The following XKR4 variants were observed in gnomAD, a reference collection of about 807,000 sequenced individuals.
XKR4 encodes the protein XK related 4, also known as XK-related protein 4.
Under a neutral mutation model 53.9 loss-of-function variants are expected in XKR4, and 12 were observed. The observed-to-expected ratio is 0.22, with a 90% confidence interval of 0.14 to 0.36. The LOEUF is 0.36. XKR4 is among the 10% of genes least tolerant of loss of function. The pLI is 1.00. For missense variants in XKR4, 799 were observed against 859.5 expected (o/e 0.93, Z 0.88); for synonymous variants, 354 against 362.4 (o/e 0.98, Z 0.26).
At chr8:55,338,490 G>C (rs1585527980) in intron 1 of XKR4, among the ~76,000 whole-genome samples, 1 of 152,194 alleles carries the variant, frequency 6.6e-6, no homozygotes, top group African/African-American at 2.4e-5. Context: ...CAGGATAGAG[G>C]GGGGCATTTA....
intron 1 of XKR4, among the ~76,000 whole-genome samples, chr8:55,134,139 C>G (rs906960082): frequency 6.6e-6 from 1 of 152,180 alleles, no homozygotes; most frequent in Non-Finnish European, 1.5e-5. Context: ...AAATTTATAT[C>G]TACCATATAT....
At chr8:55,378,767 C>T (rs971897995) in intron 2 of XKR4, among the ~76,000 whole-genome samples, 26 of 152,146 alleles carry the variant, frequency 1.7e-4, no homozygotes, top group Admixed American at 1.7e-3. Flanking sequence ...CTATGATTCT[C>T]TAGCTAAGGG....
At chr8:55,268,608 C>T (rs1017219980) in intron 1 of XKR4, among the ~76,000 whole-genome samples, 4 of 152,030 alleles carry the variant, frequency 2.6e-5, no homozygotes, top group African/African-American at 9.7e-5. Flanking sequence ...AGTATATGTT[C>T]CTTCCCTTCA....
At chr8:55,147,264 A>C (rs1389625033) in intron 1 of XKR4, among the ~76,000 whole-genome samples, 9 of 152,202 alleles carry the variant, frequency 5.9e-5, no homozygotes, top group Admixed American at 5.9e-4. Context: ...ATAACTCTTC[A>C]GAAAATAACA....
chr8:55,330,746 TC>T (rs1803371647), intron 1 of XKR4, among the ~76,000 whole-genome samples: 1 of 152,036 alleles, frequency 6.6e-6, no homozygotes, highest in South Asian at 2.1e-4. Flanking sequence ...ATTCCCTTCC[TC>T]CCCAGAAGTC....
At chr8:55,163,200 C>T (rs1454177316) in intron 1 of XKR4, among the ~76,000 whole-genome samples, 1 of 152,156 alleles carries the variant, frequency 6.6e-6, no homozygotes, top group Non-Finnish European at 1.5e-5. Context: ...TGAACTTAAG[C>T]CTCTGATCTC....
chr8:55,135,639 C>G (rs1431208103), intron 1 of XKR4: 1 of 456,198 alleles, frequency 2.2e-6, no homozygotes, highest in Non-Finnish European at 4.4e-6. Flanking sequence ...AGATGGCTCC[C>G]TGGATAGAGG....
At chr8:55,385,365 C>T (rs1334747436) in intron 2 of XKR4, among the ~76,000 whole-genome samples, 2 of 152,190 alleles carry the variant, frequency 1.3e-5, no homozygotes, top group African/African-American at 2.4e-5. Flanking sequence ...TTTCGTCTGG[C>T]ACATCCTCCC....
intron 2 of XKR4, among the ~76,000 whole-genome samples, chr8:55,373,571 T>G (rs1804102676): frequency 6.6e-6 from 1 of 152,154 alleles, no homozygotes; most frequent in Non-Finnish European, 1.5e-5. Flanking sequence ...AAGTGGGAGT[T>G]TCCAGCATAG....
intron 2 of XKR4, among the ~76,000 whole-genome samples, chr8:55,484,470 A>G (rs561390153): frequency 2.0e-4 from 31 of 152,358 alleles, no homozygotes; most frequent in African/African-American, 7.5e-4. Context: ...AGAATGATAC[A>G]CCATAACCAA....
At chr8:55,456,092 G>A (rs939082215) in intron 2 of XKR4, among the ~76,000 whole-genome samples, 2 of 152,134 alleles carry the variant, frequency 1.3e-5, no homozygotes, top group African/African-American at 4.8e-5. Context: ...AAATAATTAG[G>A]AAAGTGTGAT....
chr8:55,340,867 G>A (rs542619942), intron 1 of XKR4, among the ~76,000 whole-genome samples: 34 of 152,274 alleles, frequency 2.2e-4, no homozygotes. Context: ...GAAGGACCAG[G>A]GAGAGCAGCC....
chr8:55,223,824 T>C (rs564104839), intron 1 of XKR4, among the ~76,000 whole-genome samples: 23 of 152,238 alleles, frequency 1.5e-4, no homozygotes, highest in Admixed American at 1.3e-3. Context: ...TGAAGAGAGA[T>C]AGTTGGGTTT....
At position 55,295,056 on chromosome 8, in the gene XKR4, A is replaced by T. The variant is rs141450194; in HGVS notation, c.807-62622A>T. Among the ~76,000 whole-genome samples the T allele has an allele frequency of 7.4e-4, 112 of 152,338 alleles. 1 individual carries two copies. The highest frequency in any genetic ancestry group is 2.7e-3 in the African/African-American group (111 of 41,572). On this transcript the variant is annotated intron_variant, in intron 1 of 2. Coordinates refer to ENST00000327381, the MANE Select transcript of XKR4 (RefSeq NM_052898.2). ...AGTTGAGATAATTCATGATAAAAAT[A>T]ATCTACAAAAATACGCATTTTATTA...
intron 2 of XKR4, among the ~76,000 whole-genome samples, chr8:55,423,902 G>A (rs551806789): frequency 1.3e-5 from 2 of 152,226 alleles, no homozygotes; most frequent in South Asian, 2.1e-4. Context: ...CAGAGGGTCA[G>A]GAATAGATTC....
chr8:55,346,998 A>G (rs1372633061), intron 1 of XKR4, among the ~76,000 whole-genome samples: 5 of 152,220 alleles, frequency 3.3e-5, no homozygotes, highest in Admixed American at 2.6e-4. Context: ...ACACTCGGTC[A>G]AATCTTATTT....
chr8:55,298,819 A>C (rs1428447063), intron 1 of XKR4, among the ~76,000 whole-genome samples: 1 of 152,148 alleles, frequency 6.6e-6, no homozygotes, highest in Non-Finnish European at 1.5e-5. Flanking sequence ...AAACACATAT[A>C]TGTGTGTAAA....
intron 2 of XKR4, among the ~76,000 whole-genome samples, chr8:55,398,093 C>G (rs1486979115): frequency 6.6e-6 from 1 of 152,086 alleles, no homozygotes; most frequent in African/African-American, 2.4e-5. Flanking sequence ...AGAATAAAAC[C>G]CTGATATCCC....
intron 2 of XKR4, among the ~76,000 whole-genome samples, chr8:55,373,956 G>C (rs1804111333): frequency 6.6e-6 from 1 of 152,162 alleles, no homozygotes; most frequent in African/African-American, 2.4e-5. Flanking sequence ...TTGGAGGGGA[G>C]ATCAGATAAG....
Sources: gnomAD v4.1 joint callset for allele counts (sites outside exome capture counted in the v4.1 genomes callset) on GRCh38, gnomAD v4.1.1 for gene constraint, MANE v1.5 for transcripts, NCBI Gene and HGNC (gene_info 2026-07-23, HGNC 2026-07-21) for gene names.